TAB2: variants seen among roughly 807,000 people sequenced by gnomAD.
TAB2 encodes TGF-beta activated kinase 1 (MAP3K7) binding protein 2.
In TAB2, 3 loss-of-function variants were observed where a neutral mutation model predicts 65.0. That is an observed-to-expected ratio of 0.05 (90% CI 0.02 to 0.12). TAB2 has a LOEUF of 0.12. Ranked by LOEUF, TAB2 falls within the 10% of genes least tolerant of loss-of-function variation. The pLI, the probability that TAB2 is intolerant of heterozygous loss-of-function variation, is 1.00. For synonymous variants in TAB2, 298 were observed against 285.1 expected, an observed-to-expected ratio of 1.05 and a Z score of -0.46; for missense variants, 623 against 840.3, an observed-to-expected ratio of 0.74 and a Z score of 3.20.
At chr6:149,357,491 T>C (rs1264277031) in intron 1 of TAB2, among the ~76,000 whole-genome samples, 1 of 135,834 alleles carries the variant, frequency 7.4e-6, no homozygotes, top group Admixed American at 7.3e-5. Flanking sequence ...GGATATAAAG[T>C]AATAGTAAAG....
At chr6:149,309,265 T>C (rs1448802392) in intron 1 of TAB2, among the ~76,000 whole-genome samples, 2 of 105,684 alleles carry the variant, frequency 1.9e-5, no homozygotes, top group Non-Finnish European at 3.9e-5. Context: ...AGCCTTTATA[T>C]ATGCTGTTTT....
chr6:149,393,965 A>G lies in TAB2; in HGVS notation c.1604-3639A>G, dbSNP rs868165710. 6.3e-4 allele frequency among the ~76,000 whole-genome samples: 96 copies of G among 152,134 alleles called. 1 individual carries two copies. Among genetic ancestry groups the G allele is most frequent in the African/African-American group, 2.1e-3 (87 of 41,496 alleles). On this transcript the variant is annotated intron_variant, in intron 3 of 6. Transcript: ENST00000637181. ...TTGTTTTAGCATTATTTGGTGATCT[A>G]TGGGCTTCTTAGATCTGTGATTTGT...
At position 149,376,207 on chromosome 6, in the gene TAB2, T is replaced by G. The variant is rs1165488066; in HGVS notation, c.103-1811T>G. ...TCGTTACTTTGTGTCTTCTAACTGC[T>G]CATCTTGCCAAAGGTTTTTCATCTT... On this transcript the variant is annotated intron_variant, in intron 2 of 6. Coordinates refer to ENST00000637181, the MANE Select transcript of TAB2 (RefSeq NM_001292034.3). Among the ~76,000 whole-genome samples the G allele has an allele frequency of 2.0e-5, 3 of 152,202 alleles. No homozygotes were observed. The East Asian group carries it at 5.8e-4, about 29-fold the overall frequency.
At chr6:149,331,781 A>T (rs1017598147) in intron 1 of TAB2, among the ~76,000 whole-genome samples, 1 of 152,170 alleles carries the variant, frequency 6.6e-6, no homozygotes, top group African/African-American at 2.4e-5. Flanking sequence ...ACATCAATTG[A>T]TATGGTCATA....
chr6:149,234,662 T>C (rs981449209), intron 1 of TAB2, among the ~76,000 whole-genome samples: 2 of 151,832 alleles, frequency 1.3e-5, no homozygotes, highest in African/African-American at 4.8e-5. Context: ...GATGGGAAAA[T>C]AGAGTGCAGT....
In TAB2 at chr6:149,397,588, C is replaced by T. The variant is rs2114941508; in HGVS notation, c.1604-16C>T. 3.1e-6 allele frequency: 5 copies of T among 1,613,682 alleles called. No homozygotes were observed. Among genetic ancestry groups the T allele is most frequent in the Middle Eastern group, 3.3e-4 (2 of 6,060 alleles). On this transcript the variant is annotated splice_polypyrimidine_tract_variant and intron_variant, in intron 3 of 6. Coordinates refer to ENST00000637181, the MANE Select transcript of TAB2 (RefSeq NM_001292034.3). ...TAAAGTGGGTGGGTCCTCATGTTTA[C>T]TAATGTGTGTTGCAGCTCTTTTGGT...
chr6:149,282,998 C>T (rs9377206), intron 1 of TAB2, among the ~76,000 whole-genome samples: 24,497 of 152,052 alleles, frequency 0.16, 2,109 homozygotes, highest in East Asian at 0.23. Context: ...AAACCTTTCA[C>T]GAAGATTTTA....
intron 3 of TAB2, among the ~76,000 whole-genome samples, chr6:149,390,329 T>C (rs918783124): frequency 2.6e-5 from 4 of 152,216 alleles, no homozygotes; most frequent in Non-Finnish European, 5.9e-5. Context: ...TAAGTACCTA[T>C]TAGGTTTTTC....
At chr6:149,240,572 T>TC (rs1777579259) in intron 1 of TAB2, among the ~76,000 whole-genome samples, 1 of 144,662 alleles carries the variant, frequency 6.9e-6, no homozygotes, top group Non-Finnish European at 1.6e-5. Context: ...TCATCATCAT[T>TC]ATAAAAGGAT....
At chr6:149,368,018 T>A (rs1341130523) in intron 1 of TAB2, among the ~76,000 whole-genome samples, 23 of 152,150 alleles carry the variant, frequency 1.5e-4, no homozygotes, top group Non-Finnish European at 2.9e-5. Flanking sequence ...ATAGATATTA[T>A]TTAAAGCAAT....
At chr6:149,258,416 TACAC>T (rs56710457) in intron 1 of TAB2, among the ~76,000 whole-genome samples, 36,992 of 146,042 alleles carry the variant, frequency 0.25, 4,552 homozygotes, top group East Asian at 0.36. Flanking sequence ...CATGACTGCC[TACAC>T]ACACACACAC....
At chr6:149,330,950 C>T (rs1256849630) in intron 1 of TAB2, among the ~76,000 whole-genome samples, 3 of 152,124 alleles carry the variant, frequency 2.0e-5, no homozygotes, top group African/African-American at 7.2e-5. Context: ...GGATCTATTT[C>T]TGGATTCTCT....
At chr6:149,233,131 G>A (rs577711015) in intron 1 of TAB2, among the ~76,000 whole-genome samples, 1 of 152,226 alleles carries the variant, frequency 6.6e-6, no homozygotes, top group East Asian at 1.9e-4. Context: ...CTCATGGGTG[G>A]GGACAAATGA....
At chr6:149,371,580 C>T (rs995275100) in intron 2 of TAB2, among the ~76,000 whole-genome samples, 15 of 152,142 alleles carry the variant, frequency 9.9e-5, no homozygotes, top group African/African-American at 3.6e-4. Context: ...CTAGCAGTAA[C>T]TTAATTAACT....
At chr6:149,264,716 A>G (rs1778225811) in intron 1 of TAB2, among the ~76,000 whole-genome samples, 1 of 152,244 alleles carries the variant, frequency 6.6e-6, no homozygotes. Context: ...AAGGAATGAC[A>G]TCAACATCAG....
intron 2 of TAB2, chr6:149,372,349 A>C (rs1461384587): frequency 2.0e-5 from 3 of 152,212 alleles, no homozygotes; most frequent in African/African-American, 7.2e-5. Flanking sequence ...AAGAATTAAA[A>C]ACAAAATTAA....
In TAB2 at chr6:149,255,475, A is replaced by G. The variant is rs1006777842; in HGVS notation, c.-121+36699A>G. On this transcript the variant is annotated intron_variant, in intron 1 of 1. Coordinates refer to the TAB2 transcript ENST00000606202. ...ACAAAGAAAATAAGACTAAAAAACT[A>G]TTCTAAAAATATTCATAAGAGTTAT... 8 of 152,266 alleles carry G rather than the reference A, an allele frequency of 5.3e-5. No homozygotes were observed. The East Asian group carries it at 7.7e-4, about 15-fold the overall frequency. The allele number at this position is 152,266 out of a possible 1,614,324, so 9.4% of individuals were successfully genotyped here. A position where few individuals can be genotyped will look rare whatever the true frequency, so the allele number is the denominator to read the frequency against.
chr6:149,297,789 T>C (rs146299125), intron 1 of TAB2, among the ~76,000 whole-genome samples: 2,272 of 152,240 alleles, frequency 0.015, 70 homozygotes, highest in African/African-American at 0.052. Flanking sequence ...CACCTCAGCC[T>C]CCCAAAGCGC....
At chr6:149,386,717 A>C (rs1413329083) in intron 3 of TAB2, among the ~76,000 whole-genome samples, 1 of 152,066 alleles carries the variant, frequency 6.6e-6, no homozygotes, top group African/African-American at 2.4e-5. Context: ...TGTTTTCCAA[A>C]GTGATTTGTA....
Sources: gnomAD v4.1 joint callset for allele counts (sites outside exome capture counted in the v4.1 genomes callset) on GRCh38, gnomAD v4.1.1 for gene constraint, MANE v1.5 for transcripts, NCBI Gene and HGNC (gene_info 2026-07-23, HGNC 2026-07-21) for gene names.